Variants in DHRSX observed in about 807,000 individuals in gnomAD.
DHRSX encodes dehydrogenase/reductase X-linked.
Under a neutral mutation model 34.0 loss-of-function variants are expected in DHRSX, and 31 were observed. The ratio of observed to expected loss-of-function variants is 0.91; its 90% CI spans 0.69 to 1.23. The LOEUF (loss-of-function observed/expected upper bound fraction) is 1.23. Ranked by LOEUF, DHRSX falls within the 50% of genes most tolerant of loss-of-function variation. The probability of loss-of-function intolerance (pLI) is 0.00; values close to 1 mark genes in which losing one functional copy is unlikely to be tolerated. For synonymous variants in DHRSX, 201 were observed against 183.8 expected (o/e 1.09, Z -0.76); for missense variants, 414 against 428.1 (o/e 0.97, Z 0.29).
chrX:2,455,401 C>A, intron 1 of DHRSX, among the ~76,000 whole-genome samples: 2 of 151,320 alleles, frequency 1.3e-5, no homozygotes, highest in Middle Eastern at 6.8e-3. Flanking sequence ...CCAGGACATG[C>A]AATTTACCCG....
intron 5 of DHRSX, among the ~76,000 whole-genome samples, chrX:2,260,704 G>T (rs1197705525): frequency 6.6e-6 from 1 of 151,924 alleles, no homozygotes; most frequent in Admixed American, 6.6e-5. Context: ...CAGGTGATCT[G>T]CTCACCTTGG....
intron 3 of DHRSX, chrX:2,334,562 T>TC (rs1423454605): frequency 2.6e-5 from 4 of 151,950 alleles, no homozygotes; most frequent in Non-Finnish European, 5.9e-5. Context: ...CAAGTGATCC[T>TC]CCCGCCTCAA....
At chrX:2,225,888 G>A (rs1366572591) in intron 6 of DHRSX, among the ~76,000 whole-genome samples, 2 of 151,560 alleles carry the variant, frequency 1.3e-5, no homozygotes, top group Non-Finnish European at 2.9e-5. Flanking sequence ...GGTATTCTGT[G>A]ATAGCAGCCT....
At chrX:2,479,034 C>A (rs1215186890) in intron 1 of DHRSX, among the ~76,000 whole-genome samples, 1 of 151,020 alleles carries the variant, frequency 6.6e-6, no homozygotes, top group African/African-American at 2.4e-5. Flanking sequence ...ATTCCCTAAG[C>A]ATGTAGCCCA....
intron 3 of DHRSX, among the ~76,000 whole-genome samples, chrX:2,324,946 G>GT (rs777086783): frequency 0.48 from 66,277 of 137,604 alleles, 15,967 homozygotes; most frequent in Non-Finnish European, 0.54. Flanking sequence ...TTTTTGTTTT[G>GT]TTTTTTTTTT....
At chrX:2,310,307 C>T (rs1450513727) in intron 3 of DHRSX, among the ~76,000 whole-genome samples, 5 of 152,068 alleles carry the variant, frequency 3.3e-5, no homozygotes, top group East Asian at 1.9e-4. Flanking sequence ...CCCGAACTGC[C>T]GGAATTTGCC....
chrX:2,304,183 G>GAACT (rs1230223556), intron 3 of DHRSX, among the ~76,000 whole-genome samples: 1 of 116,006 alleles, frequency 8.6e-6, no homozygotes, highest in Non-Finnish European at 1.8e-5. Context: ...ATGGATGGAT[G>GAACT]GATGGATGGA....
intron 1 of DHRSX, among the ~76,000 whole-genome samples, chrX:2,479,921 GGACACTGGGAA>G (rs1214663522): frequency 1.3e-5 from 2 of 152,194 alleles, no homozygotes; most frequent in Admixed American, 6.5e-5. Context: ...CGGACGCCAT[GGACACTGGGAA>G]GACGTTCACT....
chrX:2,357,208 C>T (rs1321409874), intron 3 of DHRSX, among the ~76,000 whole-genome samples: 1 of 152,064 alleles, frequency 6.6e-6, no homozygotes, highest in African/African-American at 2.4e-5. Flanking sequence ...CACACCATTG[C>T]ACTCTGGCCT....
chrX:2,350,209 G>A (rs1210573148), intron 3 of DHRSX, among the ~76,000 whole-genome samples: 2 of 151,782 alleles, frequency 1.3e-5, no homozygotes, highest in Admixed American at 1.3e-4. Context: ...AAATTAGCCG[G>A]GCATGGTGGC....
chrX:2,446,860 T>C (rs2044144845), intron 1 of DHRSX, among the ~76,000 whole-genome samples: 1 of 151,810 alleles, frequency 6.6e-6, no homozygotes, highest in South Asian at 2.1e-4. Flanking sequence ...TCCCAAAGAA[T>C]GGGGCCAAGG....
At chrX:2,311,655 A>C (rs2042166899) in intron 3 of DHRSX, among the ~76,000 whole-genome samples, 1 of 152,208 alleles carries the variant, frequency 6.6e-6, no homozygotes, top group Admixed American at 6.6e-5. Flanking sequence ...AAGGGCGAGA[A>C]GTCAATCTTG....
At chrX:2,489,746 G>A (rs1365200877) in intron 1 of DHRSX, 1 of 1,613,292 alleles carries the variant, frequency 6.2e-7, no homozygotes, top group Non-Finnish European at 8.5e-7. Context: ...GGCCACGGCA[G>A]ACTGCTGGAA....
intron 1 of DHRSX, among the ~76,000 whole-genome samples, chrX:2,433,646 C>T (rs2043956038): frequency 6.6e-6 from 1 of 152,060 alleles, no homozygotes; most frequent in South Asian, 2.1e-4. Flanking sequence ...TAAGTGAGAA[C>T]ATGTGGTGTT....
intron 3 of DHRSX, among the ~76,000 whole-genome samples, chrX:2,377,874 G>A (rs1319485146): frequency 6.6e-6 from 1 of 152,054 alleles, no homozygotes; most frequent in East Asian, 1.9e-4. Flanking sequence ...GAGTAGCTGG[G>A]ACTACAGGTG....
intron 5 of DHRSX, among the ~76,000 whole-genome samples, chrX:2,247,303 A>G (rs1389248880): frequency 6.6e-6 from 1 of 151,752 alleles, no homozygotes; most frequent in Non-Finnish European, 1.5e-5. Flanking sequence ...AATATACACT[A>G]TATTTTGCAG....
In DHRSX at chrX:2,220,539, A is replaced by G. The variant is rs2015497954; in HGVS notation, c.*502T>C. The G allele has an allele frequency of 6.4e-6, 1 of 156,212 alleles. No individual in the cohort carries two copies. The highest frequency in any genetic ancestry group is 2.0e-4 in the South Asian group (1 of 5,040). The allele number at this position is 156,212 out of a possible 1,614,324, so 9.7% of individuals were successfully genotyped here. ...TGGTGCTGCTGGCCACGTCAAACTC[A>G]TCCTACAGGCTGTAGCAAGCAAGGC... On this transcript the variant is annotated 3_prime_UTR_variant, in exon 7 of 7. Coordinates refer to ENST00000334651, the MANE Select transcript of DHRSX (RefSeq NM_145177.3).
chrX:2,365,557 A>G (rs1276852160), intron 3 of DHRSX, among the ~76,000 whole-genome samples: 1 of 152,036 alleles, frequency 6.6e-6, no homozygotes, highest in Admixed American at 6.6e-5. Flanking sequence ...GCAAACTTAC[A>G]ATCTCTTTAC....
chrX:2,458,216 T>A (rs1003536811), intron 1 of DHRSX, among the ~76,000 whole-genome samples: 71 of 152,072 alleles, frequency 4.7e-4, no homozygotes, highest in African/African-American at 1.6e-3. Context: ...TCCCTAAGAA[T>A]GTGGCCAAGG....
Sources: allele counts gnomAD v4.1 joint callset (sites outside exome capture counted in the v4.1 genomes callset), GRCh38; gene constraint gnomAD v4.1.1; transcripts MANE v1.5; gene names NCBI Gene and HGNC (gene_info 2026-07-23, HGNC 2026-07-21).